The following ARPP21 variants were observed in gnomAD, a reference collection of about 807,000 sequenced individuals.
The protein encoded by ARPP21 is cAMP-regulated phosphoprotein 21.
A neutral mutation model predicts 113.2 loss-of-function variants in ARPP21; 69 were observed. That is an observed-to-expected ratio of 0.61 (90% CI 0.50 to 0.74). The LOEUF is 0.74. Among genes scored for constraint, ARPP21 ranks in the 30% least tolerant of loss-of-function variants. The pLI is 0.00. For synonymous variants in ARPP21, 368 were observed against 375.5 expected, an observed-to-expected ratio of 0.98 and a Z score of 0.23; for missense variants, 1,070 against 1,037.4, an observed-to-expected ratio of 1.03 and a Z score of -0.43.
At chr3:35,673,548 C>G (rs1305085744) in intron 1 of ARPP21, among the ~76,000 whole-genome samples, 1 of 151,818 alleles carries the variant, frequency 6.6e-6, no homozygotes, top group Admixed American at 6.6e-5. Flanking sequence ...GTAGCAAATA[C>G]AAAGTATTGA....
At chr3:35,652,565 G>A (rs911696427) in intron 1 of ARPP21, among the ~76,000 whole-genome samples, 1 of 152,046 alleles carries the variant, frequency 6.6e-6, no homozygotes, top group African/African-American at 2.4e-5. Flanking sequence ...GGCTTAAGCA[G>A]GGATCAAACA....
chr3:35,709,067 C>T lies in ARPP21; in HGVS notation c.894C>T (p.His298=), dbSNP rs776295424. Residue 298 remains histidine (H), a synonymous_variant, in exon 11 of 21, where the codon CAC becomes CAT. Transcript: ENST00000684406. ...GAGTGAGGGAGAGAATATTTGCACA[C>T]GATGTGAGTAGTTGTTTTAATTGCC... ...YQRVRERIFA[H]DSVCSQESLF... The T allele has an allele frequency of 5.0e-6, 8 of 1,605,844 alleles. No individual in the cohort carries two copies. The highest frequency in any genetic ancestry group is 1.7e-5 in the Admixed American group (1 of 59,946).
intron 13 of ARPP21, among the ~76,000 whole-genome samples, chr3:35,719,215 C>T (rs554828184): frequency 6.6e-6 from 1 of 151,852 alleles, no homozygotes; most frequent in Non-Finnish European, 1.5e-5. Flanking sequence ...CGCACTTCAA[C>T]ACTGTTAAGA....
intron 14 of ARPP21, among the ~76,000 whole-genome samples, chr3:35,723,931 A>C (rs573237513): frequency 1.3e-5 from 2 of 152,346 alleles, no homozygotes; most frequent in East Asian, 3.9e-4. Context: ...AGATGGATTT[A>C]TGAAGCAAAG....
Position 35,786,686 on chromosome 3 carries a change from T to G in ARPP21, c.2138-5696T>G, listed in dbSNP as rs563941769. Among the ~76,000 whole-genome samples the G allele has an allele frequency of 3.3e-5, 5 of 152,204 alleles. No homozygotes were observed. The East Asian group carries it at 9.7e-4, about 29-fold the overall frequency. On this transcript the variant is annotated intron_variant, in intron 19 of 20. Coordinates refer to ENST00000684406, the MANE Select transcript of ARPP21 (RefSeq NM_001385562.1). ...ACGTTTACATTGTCATTCCTTGGAT[T>G]TATCTCCTGGGAGTTGAATTAGAGT... is the stretch of plus-strand genomic sequence containing the variant.
chr3:35,762,126 T>TCACACACACACACA lies in ARPP21; in HGVS notation c.2137+18177_2137+18190dup, dbSNP rs371775285. 2.7e-3 allele frequency among the ~76,000 whole-genome samples: 340 copies of TCACACACACACACA among 127,034 alleles called. 2 individuals are homozygous for TCACACACACACACA. Among genetic ancestry groups the TCACACACACACACA allele is most frequent in the African/African-American group, 8.6e-3 (310 of 36,236 alleles). 83.3% of individuals were successfully genotyped at this position (127,034 alleles called of 152,430 possible). ...CTCTCTCTCTCTCTCTCTCTCTCTC[T>TCACACACACACACA]CACACACACACACACACACACACAC... On this transcript the variant is annotated intron_variant, in intron 19 of 20. Transcript: ENST00000684406.
chr3:35,759,240 C>G (rs1266989207), intron 19 of ARPP21, among the ~76,000 whole-genome samples: 1 of 152,008 alleles, frequency 6.6e-6, no homozygotes, highest in African/African-American at 2.4e-5. Context: ...ATATGGAGAT[C>G]AATAGATGTG....
At chr3:35,676,302 A>G (rs2077458489) in intron 1 of ARPP21, among the ~76,000 whole-genome samples, 2 of 151,968 alleles carry the variant, frequency 1.3e-5, no homozygotes, top group African/African-American at 4.8e-5. Context: ...GCATTCTGCT[A>G]AATGTTGATC....
At chr3:35,767,009 C>T (rs1474798090) in intron 19 of ARPP21, among the ~76,000 whole-genome samples, 1 of 152,124 alleles carries the variant, frequency 6.6e-6, no homozygotes, top group African/African-American at 2.4e-5. Context: ...GGTTAAACTT[C>T]ATTTAGCTCT....
At chr3:35,667,478 T>A (rs909473707) in intron 1 of ARPP21, among the ~76,000 whole-genome samples, 2 of 152,124 alleles carry the variant, frequency 1.3e-5, no homozygotes, top group African/African-American at 4.8e-5. Context: ...CTACTAGATG[T>A]TTTAGTACAA....
At chr3:35,709,503 A>G (rs1576137694) in intron 11 of ARPP21, among the ~76,000 whole-genome samples, 5 of 152,274 alleles carry the variant, frequency 3.3e-5, no homozygotes, top group Admixed American at 3.3e-4. Flanking sequence ...TACAACGAGT[A>G]TTTTCTGGGT....
At position 35,675,517 on chromosome 3, in the gene ARPP21, G is replaced by A. The variant is rs142493273; in HGVS notation, c.-212-4270G>A. Among the ~76,000 whole-genome samples the A allele has an allele frequency of 1.1e-3, 160 of 151,914 alleles. 2 individuals are homozygous for A. The highest frequency in any genetic ancestry group is 8.9e-3 in the Admixed American group (136 of 15,230). On this transcript the variant is annotated intron_variant, in intron 1 of 20. Coordinates refer to ENST00000684406, the MANE Select transcript of ARPP21 (RefSeq NM_001385562.1). ...CCCATCAGCTATTGCATTCCATCCA[G>A]CTCTCTCATTCAGATTATTGACATC... is the stretch of plus-strand genomic sequence containing the variant.
intron 20 of ARPP21, among the ~76,000 whole-genome samples, 184 bp downstream of exon 20, chr3:35,792,714 T>G (rs1399631245): frequency 2.0e-5 from 3 of 152,246 alleles, no homozygotes; most frequent in African/African-American, 7.2e-5. Flanking sequence ...CATGCTTCTG[T>G]CACTACTGTG....
intron 17 of ARPP21, among the ~76,000 whole-genome samples, 175 bp from the exon 18 acceptor site, chr3:35,739,142 A>G (rs935334243): frequency 2.0e-5 from 3 of 152,214 alleles, no homozygotes; most frequent in African/African-American, 7.2e-5. Context: ...CTGATTTGTC[A>G]TGTTGTGTTC....
Position 35,690,980 on chromosome 3 carries a change from A to C in ARPP21, c.661A>C (p.Ile221Leu). Residue 221 changes from isoleucine to leucine, a missense_variant, in exon 9 of 21, where the codon ATC becomes CTC. Coordinates refer to ENST00000684406, the MANE Select transcript of ARPP21 (RefSeq NM_001385562.1). ...GGATCAAACAGGAAAATCTGTTATC[A>C]TCAACAAGACCAGCAGCACCAGAAT... ...NVDQTGKSVI[I>L]NKTSSTRIPE... 1 of 1,610,652 alleles carries C rather than the reference A, an allele frequency of 6.2e-7. No homozygotes were observed. The highest frequency in any genetic ancestry group is 8.5e-7 in the Non-Finnish European group (1 of 1,177,832).
chr3:35,667,676 C>T (rs1202866014), intron 1 of ARPP21, among the ~76,000 whole-genome samples: 1 of 151,800 alleles, frequency 6.6e-6, no homozygotes, highest in Non-Finnish European at 1.5e-5. Flanking sequence ...AAGAGTCCTT[C>T]TAGTTAATTA....
At chr3:35,780,586 A>G (rs1319664870) in intron 19 of ARPP21, among the ~76,000 whole-genome samples, 1 of 152,146 alleles carries the variant, frequency 6.6e-6, no homozygotes, top group Non-Finnish European at 1.5e-5. Context: ...GGGAAAAAAA[A>G]TAATGAGTGG....
chr3:35,674,150 T>A (rs2076957845), intron 1 of ARPP21, among the ~76,000 whole-genome samples: 1 of 151,962 alleles, frequency 6.6e-6, no homozygotes, highest in Non-Finnish European at 1.5e-5. Context: ...CCAGTTAGAT[T>A]AATAATGCCC....
At chr3:35,688,718 T>A (rs1329410962) in intron 6 of ARPP21, among the ~76,000 whole-genome samples, 1 of 151,626 alleles carries the variant, frequency 6.6e-6, no homozygotes, top group Non-Finnish European at 1.5e-5. Context: ...CTGAGGAATA[T>A]CTAAAATCCA....
Sources: gnomAD v4.1 joint callset for allele counts (sites outside exome capture counted in the v4.1 genomes callset) on GRCh38, gnomAD v4.1.1 for gene constraint, MANE v1.5 for transcripts, NCBI Gene and HGNC (gene_info 2026-07-23, HGNC 2026-07-21) for gene names.